The following PDGFD variants were observed in gnomAD, a reference collection of about 807,000 sequenced individuals.
PDGFD encodes the protein platelet derived growth factor D.
PDGFD carries 30 observed loss-of-function variants against 44.7 expected under a neutral mutation model. That is an observed-to-expected ratio of 0.67 (90% CI 0.50 to 0.91). The LOEUF (loss-of-function observed/expected upper bound fraction) is 0.91, where lower values mean the gene tolerates loss of function less well. PDGFD is among the 40% of genes least tolerant of loss of function. PDGFD has a pLI of 0.00. For missense variants in PDGFD, 445 were observed against 457.8 expected (o/e 0.97, Z 0.25); for synonymous variants, 173 against 168.4 (o/e 1.03, Z -0.21).
chr11:104,084,584 A>G (rs361274), intron 1 of PDGFD, among the ~76,000 whole-genome samples: 148,202 of 148,904 alleles, frequency 1, 73,756 homozygotes, highest in Middle Eastern at 1. Flanking sequence ...ATCTTTACAC[A>G]CTCTTTTTTT....
At chr11:104,067,607 AAGG>A (rs1235199447) in intron 1 of PDGFD, among the ~76,000 whole-genome samples, 16 of 152,164 alleles carry the variant, frequency 1.1e-4, no homozygotes, top group African/African-American at 3.6e-4. Flanking sequence ...GGAAGAAAAC[AAGG>A]AGGTCAGCCA....
intron 1 of PDGFD, among the ~76,000 whole-genome samples, chr11:104,135,710 G>A (rs527404959): frequency 6.6e-6 from 1 of 152,160 alleles, no homozygotes; most frequent in Non-Finnish European, 1.5e-5. Flanking sequence ...GTTCATATGG[G>A]TGCCATTCAC....
At chr11:104,129,973 C>A (rs1861894584) in intron 1 of PDGFD, among the ~76,000 whole-genome samples, 1 of 144,404 alleles carries the variant, frequency 6.9e-6, no homozygotes, top group Non-Finnish European at 1.5e-5. Flanking sequence ...TGCACCAATG[C>A]ACTCCAACCT....
intron 1 of PDGFD, among the ~76,000 whole-genome samples, chr11:104,094,272 G>T (rs985464007): frequency 6.6e-6 from 1 of 151,792 alleles, no homozygotes. Context: ...AACAGCTGCT[G>T]GCCCTTCCTC....
chr11:104,088,659 C>G (rs1861168572), intron 1 of PDGFD, among the ~76,000 whole-genome samples: 1 of 152,120 alleles, frequency 6.6e-6, no homozygotes, highest in African/African-American at 2.4e-5. Context: ...GCAGATGGCT[C>G]CAGCAAGGCA....
intron 1 of PDGFD, among the ~76,000 whole-genome samples, chr11:104,089,582 G>A (rs1439610880): frequency 1.3e-5 from 2 of 152,008 alleles, no homozygotes; most frequent in East Asian, 1.9e-4. Context: ...GTTTACCAAC[G>A]CTAATACAAG....
intron 1 of PDGFD, among the ~76,000 whole-genome samples, chr11:104,153,700 A>C (rs1460845185): frequency 6.6e-6 from 1 of 152,200 alleles, no homozygotes; most frequent in Non-Finnish European, 1.5e-5. Context: ...ATTACTTCAC[A>C]TGATTATTTA....
intron 3 of PDGFD, among the ~76,000 whole-genome samples, chr11:103,978,136 T>C (rs1004802734): frequency 1.3e-5 from 2 of 152,062 alleles, no homozygotes; most frequent in African/African-American, 4.8e-5. Context: ...TGTTGGTTTC[T>C]TTTCTGTGTA....
intron 2 of PDGFD, among the ~76,000 whole-genome samples, chr11:103,996,791 A>G (rs1052531057): frequency 2.0e-5 from 3 of 152,226 alleles, no homozygotes; most frequent in Admixed American, 2.0e-4. Flanking sequence ...TTTTGGAATG[A>G]TCACGTCATA....
chr11:103,923,868 G>T (rs1207322202), intron 6 of PDGFD, among the ~76,000 whole-genome samples: 1 of 152,154 alleles, frequency 6.6e-6, no homozygotes, highest in Non-Finnish European at 1.5e-5. Context: ...CAGAGTTCTA[G>T]AAGTAAAAAT....
At chr11:104,046,460 A>G (rs537631127) in intron 1 of PDGFD, among the ~76,000 whole-genome samples, 1 of 147,944 alleles carries the variant, frequency 6.8e-6, no homozygotes, top group African/African-American at 2.5e-5. Flanking sequence ...ACACATTGCT[A>G]ACTGCCATCA....
At position 104,020,677 on chromosome 11, in the gene PDGFD, T is replaced by C. The variant is rs989009708; in HGVS notation, c.125-20422A>G. The stretch of plus-strand genomic sequence containing the variant: ...AAACAGACATTTTATACTTCATTTT[T>C]CTTATGCATTTACATAATTGCCAAA... On this transcript the variant is annotated intron_variant, in intron 1 of 6. Transcript: ENST00000393158. Among the ~76,000 whole-genome samples, 3 of 152,138 alleles carry C rather than the reference T, an allele frequency of 2.0e-5. No individual in the cohort carries two copies. The East Asian group carries it at 5.8e-4, about 29-fold the overall frequency.
At chr11:104,156,791 T>C (rs1862313743) in intron 1 of PDGFD, among the ~76,000 whole-genome samples, 1 of 152,236 alleles carries the variant, frequency 6.6e-6, no homozygotes, top group South Asian at 2.1e-4. Context: ...AAAAGGCTCA[T>C]CAGAAGAAAC....
At chr11:103,937,693 T>C in intron 5 of PDGFD, among the ~76,000 whole-genome samples, 1 of 117,350 alleles carries the variant, frequency 8.5e-6, no homozygotes, top group Non-Finnish European at 1.7e-5. Context: ...CCTAATGCTA[T>C]CCCTCCCCCC....
intron 1 of PDGFD, among the ~76,000 whole-genome samples, chr11:104,049,203 C>G (rs758562365): frequency 6.6e-6 from 1 of 151,970 alleles, no homozygotes; most frequent in Non-Finnish European, 1.5e-5. Flanking sequence ...GGCAATGGAA[C>G]GGGGATATAG....
chr11:103,914,502 C>G (rs1056540458), intron 6 of PDGFD, among the ~76,000 whole-genome samples: 1 of 152,140 alleles, frequency 6.6e-6, no homozygotes, highest in African/African-American at 2.4e-5. Context: ...GGATTCACAG[C>G]CAAATTCTAC....
intron 6 of PDGFD, among the ~76,000 whole-genome samples, chr11:103,921,731 G>T (rs1858225397): frequency 6.6e-6 from 1 of 151,120 alleles, no homozygotes; most frequent in Admixed American, 6.6e-5. Flanking sequence ...CTTAGAACAA[G>T]AAGAAGTCAT....
chr11:103,921,290 C>T (rs11226078), intron 6 of PDGFD, among the ~76,000 whole-genome samples: 4,434 of 152,208 alleles, frequency 0.029, 214 homozygotes, highest in African/African-American at 0.1. Context: ...ATAATCATGA[C>T]CCAAAAACTC....
At chr11:104,154,274 T>G (rs1323254622) in intron 1 of PDGFD, among the ~76,000 whole-genome samples, 1 of 152,150 alleles carries the variant, frequency 6.6e-6, no homozygotes, top group Admixed American at 6.6e-5. Context: ...AAAACATGCT[T>G]TTTAAGGCTT....
Sources: gnomAD v4.1 joint callset for allele counts (sites outside exome capture counted in the v4.1 genomes callset) on GRCh38, gnomAD v4.1.1 for gene constraint, MANE v1.5 for transcripts, NCBI Gene and HGNC (gene_info 2026-07-23, HGNC 2026-07-21) for gene names.